ABLIM2: variants seen among roughly 807,000 people sequenced by gnomAD.
ABLIM2 encodes actin-binding LIM protein 2.
ABLIM2 carries 53 observed loss-of-function variants against 97.7 expected under a neutral mutation model. That is an observed-to-expected ratio of 0.54 (90% CI 0.44 to 0.68). The LOEUF (loss-of-function observed/expected upper bound fraction) is 0.68, where lower values mean the gene tolerates loss of function less well. Among genes scored for constraint, ABLIM2 ranks in the 30% least tolerant of loss-of-function variants. The pLI is 0.00. For missense variants in ABLIM2, 835 were observed against 867.2 expected, an observed-to-expected ratio of 0.96 and a Z score of 0.47; for synonymous variants, 361 against 345.8, an observed-to-expected ratio of 1.04 and a Z score of -0.49.
At chr4:8,093,762 G>A (rs542807420) in intron 3 of ABLIM2, among the ~76,000 whole-genome samples, 70 of 152,180 alleles carry the variant, frequency 4.6e-4, no homozygotes, top group Non-Finnish European at 7.6e-4. Flanking sequence ...ATTTTTGTTC[G>A]TCTGGCTGCT....
chr4:8,077,827 C>T, intron 5 of ABLIM2, 106 bp from the exon 6 acceptor site: 1 of 896,496 alleles, frequency 1.1e-6, no homozygotes, highest in Non-Finnish European at 1.8e-6. Context: ...GGGGGAATGC[C>T]CACCTCCTCC....
At position 7,998,644 on chromosome 4, in the gene ABLIM2, A is replaced by G; in HGVS notation, c.1619-5717T>C. On this transcript the variant is annotated intron_variant, in intron 16 of 20. Coordinates refer to ENST00000447017, the MANE Select transcript of ABLIM2 (RefSeq NM_001130083.2). This position sits in a 1 kb window ranked among gnomAD's most constrained non-coding sequence, Gnocchi z 6.4. ...CTGCTAGTGTGGCTGCAGGAGGAAA[A>G]CACCTGCCTCGTCACCTTTTGCCAC... is the stretch of plus-strand genomic sequence containing the variant. The G allele has an allele frequency of 2.0e-6, 1 of 509,672 alleles. No homozygotes were observed. The highest frequency in any genetic ancestry group is 3.9e-6 in the Non-Finnish European group (1 of 256,186). The allele number at this position is 509,672 out of a possible 1,614,324, so 31.6% of individuals were successfully genotyped here. A position where few individuals can be genotyped will look rare whatever the true frequency, so the allele number is the denominator to read the frequency against.
chr4:7,997,556 T>G (rs976376233), intron 16 of ABLIM2, among the ~76,000 whole-genome samples: 3 of 152,178 alleles, frequency 2.0e-5, no homozygotes, highest in African/African-American at 7.2e-5. Flanking sequence ...CCTGTCAAAT[T>G]TTTAATTTTG....
In ABLIM2 at chr4:8,148,687, T is replaced by A. The variant is rs1206668006; in HGVS notation, c.10+9993A>T. On this transcript the variant is annotated intron_variant, in intron 1 of 20. Transcript: ENST00000447017. The surrounding 1 kb of genome is among the most constrained non-coding windows in gnomAD (Gnocchi z 6.7). ...AGAGTCCTGCTTGCCTGGAAGCAAA[T>A]GCTACATCCCAAGGTGTCCATTGCC... Among the ~76,000 whole-genome samples the A allele has an allele frequency of 6.6e-6, 1 of 152,100 alleles. No homozygotes were observed. The highest frequency in any genetic ancestry group is 6.5e-5 in the Admixed American group (1 of 15,282).
At position 8,061,165 on chromosome 4, in the gene ABLIM2, C is replaced by A. The variant is rs1322630043; in HGVS notation, c.676-111G>T. The A allele has an allele frequency of 5.6e-6, 5 of 895,258 alleles. No individual in the cohort carries two copies. In the East Asian group the frequency reaches 1.4e-4, roughly 26 times the overall value. The allele number at this position is 895,258 out of a possible 1,614,324, so 55.5% of individuals were successfully genotyped here. A position where few individuals can be genotyped will look rare whatever the true frequency, so the allele number is the denominator to read the frequency against. On this transcript the variant is annotated intron_variant, in intron 6 of 20. Transcript: ENST00000447017. This position sits in a 1 kb window ranked among gnomAD's most constrained non-coding sequence, Gnocchi z 4.5. ...CCTGAGCACAGGTACTCAGGGGATA[C>A]TGGAAGGGCCAGCCCCCACCATCGG...
Position 8,097,179 on chromosome 4 carries a change from G to A in ABLIM2, c.258C>T (p.Cys86=), listed in dbSNP as rs774551878. ...QRLYGTRCFS[C]DQFIEGEVVS... is the part of the protein sequence containing the mutation. The stretch of plus-strand genomic sequence containing the variant: ...CCACCTCACCCTCAATGAACTGGTC[G>A]CAGCTGAAGCAGCGGGTGCCGTAGA... Residue 86 remains cysteine (C), a synonymous_variant, in exon 3 of 21, where the codon TGC becomes TGT. Coordinates refer to ENST00000447017, the MANE Select transcript of ABLIM2 (RefSeq NM_001130083.2). 1.0e-5 allele frequency: 16 copies of A among 1,603,076 alleles called. No individual in the cohort carries two copies. The highest frequency in any genetic ancestry group is 9.4e-6 in the Non-Finnish European group (11 of 1,175,272).
intron 10 of ABLIM2, among the ~76,000 whole-genome samples, chr4:8,035,834 AAT>A (rs1784181494): frequency 6.6e-6 from 1 of 152,190 alleles, no homozygotes; most frequent in Non-Finnish European, 1.5e-5. Context: ...TACTTAAGAA[AAT>A]TAGGAGATTT....
At chr4:8,057,761 C>G (rs1430767823) in intron 7 of ABLIM2, among the ~76,000 whole-genome samples, 1 of 152,238 alleles carries the variant, frequency 6.6e-6, no homozygotes, top group Non-Finnish European at 1.5e-5. Context: ...TGGCCTGCCT[C>G]ATCGCCCAGG....
intron 20 of ABLIM2, among the ~76,000 whole-genome samples, chr4:7,979,765 G>A (rs993127952): frequency 6.6e-6 from 1 of 152,220 alleles, no homozygotes; most frequent in Non-Finnish European, 1.5e-5. Flanking sequence ...CAGCAGCCCT[G>A]TTAGCCCAGG....
At chr4:8,088,334 C>A (rs1282277433) in intron 3 of ABLIM2, 50 bp from the exon 4 acceptor site, 2 of 1,460,938 alleles carry the variant, frequency 1.4e-6, no homozygotes, top group East Asian at 2.3e-5. Flanking sequence ...TGGCTCCTCT[C>A]TGGGGGAGCC....
At position 7,986,077 on chromosome 4, in the gene ABLIM2, G is replaced by A. The variant is rs1030781273; in HGVS notation, c.1681-1184C>T. On this transcript the variant is annotated intron_variant, in intron 17 of 20. Transcript: ENST00000447017. The surrounding 1 kb of genome is among the most constrained non-coding windows in gnomAD (Gnocchi z 4.3). ...GAAGAAAATGTCTTATTCACGCTTC[G>A]TTCCCCAGCACCTGGAACGGGGTCT... 2.0e-5 allele frequency among the ~76,000 whole-genome samples: 3 copies of A among 152,178 alleles called. No individual in the cohort carries two copies. The highest frequency in any genetic ancestry group is 2.1e-4 in the South Asian group (1 of 4,834).
chr4:8,074,803 C>G (rs1036481031), intron 6 of ABLIM2, among the ~76,000 whole-genome samples: 1 of 116,644 alleles, frequency 8.6e-6, no homozygotes, highest in African/African-American at 3.4e-5. Flanking sequence ...TTTTTTGAGA[C>G]AGAGTCTCGC....
intron 5 of ABLIM2, among the ~76,000 whole-genome samples, chr4:8,078,161 G>C (rs1817498546): frequency 6.6e-6 from 1 of 152,222 alleles, no homozygotes; most frequent in Non-Finnish European, 1.5e-5. Flanking sequence ...AGAAAGCCCA[G>C]ATGAGGGTGT....
At chr4:8,151,209 T>G (rs1390467913) in intron 1 of ABLIM2, among the ~76,000 whole-genome samples, 1 of 152,146 alleles carries the variant, frequency 6.6e-6, no homozygotes, top group Non-Finnish European at 1.5e-5. Flanking sequence ...GCACCCAGAC[T>G]GGCCCCCTCA....
intron 8 of ABLIM2, among the ~76,000 whole-genome samples, chr4:8,048,444 G>T (rs1047989173): frequency 6.6e-6 from 1 of 152,104 alleles, no homozygotes; most frequent in South Asian, 2.1e-4. Context: ...CTGCCATTAC[G>T]GTCACATGGT....
At chr4:8,143,934 G>C (rs1048782850) in intron 1 of ABLIM2, among the ~76,000 whole-genome samples, 16 of 152,144 alleles carry the variant, frequency 1.1e-4, no homozygotes, top group African/African-American at 3.4e-4. Flanking sequence ...GGTCTCCTCG[G>C]GGAGCGGCAG....
chr4:8,101,937 A>G (rs1376520991), intron 2 of ABLIM2, among the ~76,000 whole-genome samples: 2 of 152,154 alleles, frequency 1.3e-5, no homozygotes, highest in Non-Finnish European at 2.9e-5. Flanking sequence ...GACATCCAGA[A>G]TGAGACACCT....
rs1278404953 is a variant in ABLIM2 at position 8,083,791 on chromosome 4, C to T, written c.455-2989G>A. 1.3e-5 allele frequency among the ~76,000 whole-genome samples: 2 copies of T among 152,214 alleles called. No individual in the cohort carries two copies. The highest frequency in any genetic ancestry group is 2.4e-5 in the African/African-American group (1 of 41,454). On this transcript the variant is annotated intron_variant, in intron 4 of 20. Transcript: ENST00000447017. The surrounding 1 kb of genome is among the most constrained non-coding windows in gnomAD (Gnocchi z 4.6). ...CCAGGACCCCCCAATGTCAGCTGGC[C>T]ACGTGCCCGTACATCCTGGTTGGCA...
intron 2 of ABLIM2, among the ~76,000 whole-genome samples, chr4:8,106,175 G>A (rs1273083618): frequency 6.6e-6 from 1 of 152,172 alleles, no homozygotes; most frequent in East Asian, 1.9e-4. Flanking sequence ...TTACCTGTGT[G>A]GCTACAGTGC....
Sources: gnomAD v4.1 joint callset for allele counts (sites outside exome capture counted in the v4.1 genomes callset) on GRCh38, gnomAD v4.1.1 for gene constraint, Gnocchi (gnomAD v3.1) non-coding constraint, MANE v1.5 for transcripts, NCBI Gene and HGNC (gene_info 2026-07-23, HGNC 2026-07-21) for gene names.